The following LYPD6 variants were observed in gnomAD, a reference collection of about 807,000 sequenced individuals.
LYPD6 encodes ly6/PLAUR domain-containing protein 6.
A neutral mutation model predicts 22.7 loss-of-function variants in LYPD6; 15 were observed. The ratio of observed to expected loss-of-function variants is 0.66; its 90% CI spans 0.44 to 1.02. The LOEUF (loss-of-function observed/expected upper bound fraction) is 1.02, where lower values mean the gene tolerates loss of function less well. LYPD6 is among the 50% of genes least tolerant of loss of function. The probability of loss-of-function intolerance (pLI) is 0.00; values close to 1 mark genes in which losing one functional copy is unlikely to be tolerated. For missense variants in LYPD6, 189 were observed against 208.4 expected, an observed-to-expected ratio of 0.91 and a Z score of 0.57; for synonymous variants, 72 against 77.5, an observed-to-expected ratio of 0.93 and a Z score of 0.37.
chr2:149,411,877 T>C (rs1682855828), intron 1 of LYPD6, among the ~76,000 whole-genome samples: 1 of 152,184 alleles, frequency 6.6e-6, no homozygotes, highest in Non-Finnish European at 1.5e-5. Flanking sequence ...TATATGTATA[T>C]GTATTTATGC....
intron 1 of LYPD6, among the ~76,000 whole-genome samples, chr2:149,374,273 A>G (rs1482062317): frequency 1.3e-5 from 2 of 152,210 alleles, no homozygotes; most frequent in African/African-American, 4.8e-5. Context: ...ACAAAGGAAA[A>G]AAGTCTCAAT....
At chr2:149,443,657 A>G (rs1417596136) in intron 2 of LYPD6, among the ~76,000 whole-genome samples, 1 of 152,150 alleles carries the variant, frequency 6.6e-6, no homozygotes, top group African/African-American at 2.4e-5. Context: ...AAAATATTTT[A>G]TATGATTAAT....
chr2:149,335,831 T>C (rs1311190749), intron 1 of LYPD6, among the ~76,000 whole-genome samples: 1 of 152,218 alleles, frequency 6.6e-6, no homozygotes, highest in African/African-American at 2.4e-5. Flanking sequence ...TAGTATTTAG[T>C]GCAGTAACAT....
At chr2:149,442,504 T>A (rs1367665812) in intron 2 of LYPD6, among the ~76,000 whole-genome samples, 1 of 152,158 alleles carries the variant, frequency 6.6e-6, no homozygotes, top group East Asian at 1.9e-4. Flanking sequence ...AGTACTGAGC[T>A]TATTAACTCT....
downstream of LYPD6, among the ~76,000 whole-genome samples, chr2:149,477,882 C>T (rs761574166): frequency 3.9e-5 from 6 of 152,194 alleles, no homozygotes; most frequent in African/African-American, 9.6e-5. Flanking sequence ...CAAAAGGTCA[C>T]GGATGTGGAC....
chr2:149,441,297 A>G (rs1683563655), intron 2 of LYPD6, among the ~76,000 whole-genome samples: 1 of 152,204 alleles, frequency 6.6e-6, no homozygotes, highest in African/African-American at 2.4e-5. Context: ...GCCACATTTC[A>G]TTAATGTTAC....
chr2:149,359,702 T>C (rs1393675428), intron 1 of LYPD6, among the ~76,000 whole-genome samples: 1 of 152,196 alleles, frequency 6.6e-6, no homozygotes, highest in African/African-American at 2.4e-5. Context: ...TTTTTCTTTT[T>C]CTTAGAGTTA....
At chr2:149,408,718 T>C (rs1441923658) in intron 1 of LYPD6, among the ~76,000 whole-genome samples, 1 of 152,210 alleles carries the variant, frequency 6.6e-6, no homozygotes, top group African/African-American at 2.4e-5. Flanking sequence ...CCCAGTGCAT[T>C]TTGCTTTTCT....
chr2:149,350,730 A>G (rs1189730587), intron 1 of LYPD6, among the ~76,000 whole-genome samples: 1 of 152,196 alleles, frequency 6.6e-6, no homozygotes, highest in African/African-American at 2.4e-5. Context: ...ATTTTAATTA[A>G]ATGCAAGTAG....
intron 1 of LYPD6, among the ~76,000 whole-genome samples, chr2:149,354,566 A>G (rs1036037309): frequency 9.9e-5 from 15 of 152,134 alleles, no homozygotes; most frequent in African/African-American, 3.4e-4. Flanking sequence ...CAACACATGA[A>G]GGAATAAGAG....
rs146273498 is a variant in LYPD6, at chr2:149,445,662, T to C, written c.119-3387T>C. On this transcript the variant is annotated intron_variant, in intron 2 of 4. Coordinates refer to ENST00000334166, the MANE Select transcript of LYPD6 (RefSeq NM_194317.5). ...TGCAGACTTTTCTTCTGCAGCTTCA[T>C]GTCTCTCAGCCTTTATAGAACTAAT... Among the ~76,000 whole-genome samples the C allele has an allele frequency of 4.8e-3, 735 of 152,348 alleles. 9 individuals are homozygous for C. The highest frequency in any genetic ancestry group is 0.017 in the African/African-American group (700 of 41,580).
chr2:149,356,311 T>A (rs1681448176), intron 1 of LYPD6, among the ~76,000 whole-genome samples: 1 of 152,130 alleles, frequency 6.6e-6, no homozygotes, highest in Non-Finnish European at 1.5e-5. Flanking sequence ...CATGGACCAA[T>A]AAGTTTTGGC....
At chr2:149,365,963 T>C (rs1028829512) in intron 1 of LYPD6, among the ~76,000 whole-genome samples, 5 of 152,196 alleles carry the variant, frequency 3.3e-5, no homozygotes, top group Non-Finnish European at 5.9e-5. Flanking sequence ...ATAGATCTTA[T>C]AACCGTATGT....
intron 1 of LYPD6, among the ~76,000 whole-genome samples, chr2:149,364,870 G>A (rs1681631371): frequency 6.6e-6 from 1 of 152,076 alleles, no homozygotes. Flanking sequence ...AGCATCTCTG[G>A]AGTACTCACA....
intron 1 of LYPD6, among the ~76,000 whole-genome samples, chr2:149,368,340 A>G (rs1681726744): frequency 6.6e-6 from 1 of 152,162 alleles, no homozygotes; most frequent in South Asian, 2.1e-4. Context: ...GTTGTTCAGT[A>G]TGGATGGAGT....
intron 3 of LYPD6, among the ~76,000 whole-genome samples, chr2:149,454,075 A>G (rs1266939396): frequency 6.6e-6 from 1 of 152,208 alleles, no homozygotes; most frequent in Non-Finnish European, 1.5e-5. Context: ...TCTGGCTGCT[A>G]TGTAATAAGA....
At chr2:149,476,354 C>T (rs1357397422), downstream of LYPD6, among the ~76,000 whole-genome samples, 1 of 152,092 alleles carries the variant, frequency 6.6e-6, no homozygotes, top group Non-Finnish European at 1.5e-5. Flanking sequence ...GGAAAATAAT[C>T]ATTTTCAGAG....
chr2:149,341,836 G>C (rs924938958), intron 1 of LYPD6, among the ~76,000 whole-genome samples: 1 of 152,156 alleles, frequency 6.6e-6, no homozygotes, highest in African/African-American at 2.4e-5. Context: ...CCATTTGCGA[G>C]GGAGGAGCCT....
At chr2:149,398,794 A>C (rs1040925676) in intron 1 of LYPD6, among the ~76,000 whole-genome samples, 2 of 152,218 alleles carry the variant, frequency 1.3e-5, no homozygotes, top group African/African-American at 2.4e-5. Flanking sequence ...TAAGTGGTGC[A>C]AGTCAAACAG....
Sources: allele counts gnomAD v4.1 joint callset (sites outside exome capture counted in the v4.1 genomes callset), GRCh38; gene constraint gnomAD v4.1.1; transcripts MANE v1.5; gene names NCBI Gene and HGNC (gene_info 2026-07-23, HGNC 2026-07-21).